Variants in PDE3A observed in about 807,000 individuals in gnomAD.
PDE3A encodes cGMP-inhibited 3',5'-cyclic phosphodiesterase 3A.
A neutral mutation model predicts 98.3 loss-of-function variants in PDE3A; 43 were observed. The observed-to-expected ratio is 0.44, with a 90% CI of 0.34 to 0.56. The LOEUF (loss-of-function observed/expected upper bound fraction) is 0.56. Among genes scored for constraint, PDE3A ranks in the 20% least tolerant of loss-of-function variants. PDE3A has a pLI of 0.01. For missense variants in PDE3A, 1,427 were observed against 1,440.7 expected, an observed-to-expected ratio of 0.99 and a Z score of 0.15; for synonymous variants, 663 against 567.9, an observed-to-expected ratio of 1.17 and a Z score of -2.38.
At chr12:20,658,191 T>G (rs770269216) in intron 15 of PDE3A, among the ~76,000 whole-genome samples, 2 of 152,234 alleles carry the variant, frequency 1.3e-5, no homozygotes, top group Non-Finnish European at 2.9e-5. Context: ...TTATTTAAAT[T>G]TCAATTGTAT....
chr12:20,511,218 G>C (rs1458234511), intron 1 of PDE3A, among the ~76,000 whole-genome samples: 2 of 151,998 alleles, frequency 1.3e-5, no homozygotes, highest in African/African-American at 4.8e-5. Flanking sequence ...ATATTTCCTT[G>C]CTCCGCATAC....
chr12:20,370,408 T>G, intron 1 of PDE3A, 164 bp downstream of exon 1: 2 of 466,926 alleles, frequency 4.3e-6, no homozygotes, highest in Non-Finnish European at 3.5e-6. Flanking sequence ...TTGTTTTTTT[T>G]GTTTTTTTTT....
intron 1 of PDE3A, among the ~76,000 whole-genome samples, chr12:20,510,859 A>T (rs1229658675): frequency 6.6e-6 from 1 of 152,068 alleles, no homozygotes; most frequent in Non-Finnish European, 1.5e-5. Flanking sequence ...CATGTTATTT[A>T]TATGTCTTCT....
At chr12:20,586,752 G>A (rs115938272) in intron 2 of PDE3A, among the ~76,000 whole-genome samples, 3,334 of 152,240 alleles carry the variant, frequency 0.022, 111 homozygotes, top group African/African-American at 0.075. Context: ...CGAAGGCTTA[G>A]GTCTACAGCA....
intron 15 of PDE3A, among the ~76,000 whole-genome samples, chr12:20,676,060 C>A (rs1945629799): frequency 6.7e-6 from 1 of 149,084 alleles, no homozygotes; most frequent in Non-Finnish European, 1.5e-5. Flanking sequence ...TTGTTCCTTT[C>A]TCTCTCTCTC....
intron 1 of PDE3A, among the ~76,000 whole-genome samples, chr12:20,473,563 TC>T (rs1410665167): frequency 1.3e-5 from 2 of 152,186 alleles, no homozygotes; most frequent in Non-Finnish European, 1.5e-5. Context: ...TAAAACATTA[TC>T]AGTGACTACA....
intron 1 of PDE3A, among the ~76,000 whole-genome samples, chr12:20,400,379 GTTTTTTTTTTTTTTTTTTTTT>G (rs75851941): frequency 8.2e-5 from 9 of 110,288 alleles, no homozygotes; most frequent in East Asian, 2.3e-4. Context: ...GTTAACATTG[GTTTTTTTTTTTTTTTTTTTTT>G]TTTTTTTTTT....
intron 1 of PDE3A, chr12:20,551,976 C>T: frequency 6.2e-7 from 1 of 1,612,820 alleles, no homozygotes; most frequent in East Asian, 2.2e-5. Context: ...TGGCTGGCAT[C>T]CATGGCCGGA....
At chr12:20,617,915 A>T (rs999476413) in intron 4 of PDE3A, among the ~76,000 whole-genome samples, 5 of 152,178 alleles carry the variant, frequency 3.3e-5, no homozygotes, top group Non-Finnish European at 7.4e-5. Context: ...TTAAGAACTT[A>T]ACGCCCAAGG....
At chr12:20,668,516 T>A (rs1472122786) in intron 15 of PDE3A, among the ~76,000 whole-genome samples, 4 of 152,228 alleles carry the variant, frequency 2.6e-5, no homozygotes, top group Admixed American at 2.6e-4. Flanking sequence ...ACAGGCAGAC[T>A]GCCTCCTCAA....
intron 10 of PDE3A, among the ~76,000 whole-genome samples, chr12:20,644,914 A>C (rs1230633845): frequency 9.9e-6 from 1 of 101,492 alleles, no homozygotes. Context: ...TTTTGGATAC[A>C]GTTTTACTCT....
chr12:20,533,891 A>G (rs1320388045), intron 1 of PDE3A, among the ~76,000 whole-genome samples: 1 of 152,118 alleles, frequency 6.6e-6, no homozygotes, highest in Non-Finnish European at 1.5e-5. Context: ...GCCTTTCAAA[A>G]TTACATTCAG....
intron 12 of PDE3A, among the ~76,000 whole-genome samples, chr12:20,647,293 C>A (rs572587427): frequency 6.6e-6 from 1 of 152,218 alleles, no homozygotes; most frequent in South Asian, 2.1e-4. Flanking sequence ...ATTTCTTGGA[C>A]TTTTAAGAAT....
intron 1 of PDE3A, among the ~76,000 whole-genome samples, chr12:20,488,895 A>AAG (rs59563590): frequency 6.7e-6 from 1 of 149,228 alleles, no homozygotes; most frequent in African/African-American, 2.4e-5. Flanking sequence ...AAAAAAAAAA[A>AAG]GAGAAAAAGA....
chr12:20,476,268 G>T (rs1244766529), intron 1 of PDE3A, among the ~76,000 whole-genome samples: 1 of 152,106 alleles, frequency 6.6e-6, no homozygotes, highest in East Asian at 1.9e-4. Context: ...TCCTTAGACT[G>T]GGAAAAATCA....
At chr12:20,494,522 T>TG (rs1228964850) in intron 1 of PDE3A, among the ~76,000 whole-genome samples, 1 of 151,980 alleles carries the variant, frequency 6.6e-6, no homozygotes, top group African/African-American at 2.4e-5. Flanking sequence ...CTCGTGAGTG[T>TG]TATGTATGTG....
intron 2 of PDE3A, among the ~76,000 whole-genome samples, chr12:20,569,671 A>G (rs1942748721): frequency 6.6e-6 from 1 of 152,182 alleles, no homozygotes; most frequent in African/African-American, 2.4e-5. Context: ...TTTCTCATTA[A>G]CCTTCAGTTA....
intron 1 of PDE3A, among the ~76,000 whole-genome samples, chr12:20,385,879 G>C (rs1195823760): frequency 6.9e-6 from 1 of 145,742 alleles, no homozygotes. Flanking sequence ...CATGGCACAT[G>C]TATACATATG....
rs3058564 is a variant in PDE3A, at chr12:20,384,184, A to AT, written c.960+13956dup. ...TTTAAAAATATCTGATTGGGTTGACATTTTTTTTTTTTTTTTCTCTAATTT... is the reference window on the plus strand; with the variant it reads ...TTTAAAAATATCTGATTGGGTTGACATTTTTTTTTTTTTTTTTCTCTAATTT... On this transcript the variant is annotated intron_variant, in intron 1 of 15. Coordinates refer to ENST00000359062, the MANE Select transcript of PDE3A (RefSeq NM_000921.5). Among the ~76,000 whole-genome samples the AT allele has an allele frequency of 5.4e-3, 739 of 137,882 alleles. 4 individuals are homozygous for AT. The highest frequency in any genetic ancestry group is 0.011 in the Middle Eastern group (3 of 272). The allele number at this position is 137,882 out of a possible 152,430, so 90.5% of individuals were successfully genotyped here. A position where few individuals can be genotyped will look rare whatever the true frequency, so the allele number is the denominator to read the frequency against.
Sources: gnomAD v4.1 joint callset for allele counts (sites outside exome capture counted in the v4.1 genomes callset) on GRCh38, gnomAD v4.1.1 for gene constraint, MANE v1.5 for transcripts, NCBI Gene and HGNC (gene_info 2026-07-23, HGNC 2026-07-21) for gene names.